Variants in VGLL4 observed in about 807,000 individuals in gnomAD.
VGLL4 encodes the protein transcription cofactor vestigial-like protein 4.
VGLL4 carries 7 observed loss-of-function variants against 21.0 expected under a neutral mutation model. The ratio of observed to expected loss-of-function variants is 0.33; its 90% CI spans 0.19 to 0.63. VGLL4 has a LOEUF of 0.63. Ranked by LOEUF, VGLL4 falls within the 20% of genes least tolerant of loss-of-function variation. The pLI, the probability that VGLL4 is intolerant of heterozygous loss-of-function variation, is 0.78. For synonymous variants in VGLL4, 222 were observed against 173.2 expected (o/e 1.28, Z -2.21); for missense variants, 394 against 425.7 (o/e 0.93, Z 0.66).
chr3:11,714,398 A>G (rs2076890768), intron 1 of VGLL4, among the ~76,000 whole-genome samples: 1 of 152,170 alleles, frequency 6.6e-6, no homozygotes, highest in Non-Finnish European at 1.5e-5. Flanking sequence ...TGTCAGCACA[A>G]ATAAAAATGA....
At chr3:11,608,173 C>T (rs561008643) in intron 1 of VGLL4, among the ~76,000 whole-genome samples, 4 of 152,320 alleles carry the variant, frequency 2.6e-5, no homozygotes, top group African/African-American at 9.6e-5. Context: ...AAGATTTGAG[C>T]TGAGTAACCC....
intron 2 of VGLL4, among the ~76,000 whole-genome samples, chr3:11,685,948 C>T (rs1188916478): frequency 1.3e-5 from 2 of 152,164 alleles, no homozygotes; most frequent in Non-Finnish European, 2.9e-5. Context: ...ACATGCTCAA[C>T]ATCACTAATC....
intron 2 of VGLL4, among the ~76,000 whole-genome samples, chr3:11,675,407 C>T (rs1240612024): frequency 6.6e-6 from 1 of 151,946 alleles, no homozygotes; most frequent in African/African-American, 2.4e-5. Flanking sequence ...ATGAACTATG[C>T]GTGATGTGCT....
At chr3:11,679,022 ACAAT>A (rs1424182708) in intron 2 of VGLL4, among the ~76,000 whole-genome samples, 1 of 152,248 alleles carries the variant, frequency 6.6e-6, no homozygotes, top group Non-Finnish European at 1.5e-5. Flanking sequence ...TTTGGCAGAT[ACAAT>A]TACGTGCAGT....
At chr3:11,645,999 T>C (rs1202303359), upstream of VGLL4, among the ~76,000 whole-genome samples, 4 of 152,040 alleles carry the variant, frequency 2.6e-5, no homozygotes, top group Admixed American at 2.6e-4. Context: ...AAAAAAACTA[T>C]ATGACATCTA....
chr3:11,620,394 C>T (rs1329382363), intron 1 of VGLL4, among the ~76,000 whole-genome samples: 2 of 152,172 alleles, frequency 1.3e-5, no homozygotes, highest in East Asian at 1.9e-4. Context: ...GGCAACAGCA[C>T]AGCACCCCTG....
chr3:11,704,402 A>AG (rs1559954675), intron 1 of VGLL4, among the ~76,000 whole-genome samples: 5 of 143,886 alleles, frequency 3.5e-5, no homozygotes, highest in Admixed American at 1.4e-4. Context: ...AAAAAAAAAA[A>AG]AAAGAAAAAA....
intron 2 of VGLL4, among the ~76,000 whole-genome samples, chr3:11,701,964 A>T (rs941233004): frequency 3.9e-5 from 6 of 152,244 alleles, no homozygotes; most frequent in African/African-American, 9.6e-5. Context: ...AAATCACTTT[A>T]AAATGTTGTA....
intron 2 of VGLL4, among the ~76,000 whole-genome samples, chr3:11,667,809 C>A (rs1008060726): frequency 2.1e-5 from 3 of 142,702 alleles, no homozygotes; most frequent in African/African-American, 7.7e-5. Flanking sequence ...CTTTCTGACT[C>A]ATTTCATGAG....
At chr3:11,624,206 C>A (rs2075313219) in intron 1 of VGLL4, among the ~76,000 whole-genome samples, 1 of 152,208 alleles carries the variant, frequency 6.6e-6, no homozygotes, top group East Asian at 1.9e-4. Context: ...TGTCCAGGGA[C>A]CCCCACGATA....
chr3:11,661,968 G>A (rs2076045446), intron 2 of VGLL4, among the ~76,000 whole-genome samples: 1 of 152,192 alleles, frequency 6.6e-6, no homozygotes. Context: ...AGACACTGAT[G>A]GAAACACAAC....
At chr3:11,647,660 G>A (rs537728424), upstream of VGLL4, among the ~76,000 whole-genome samples, 1 of 152,078 alleles carries the variant, frequency 6.6e-6, no homozygotes, top group Non-Finnish European at 1.5e-5. Context: ...GGATTAGGAC[G>A]CTCAACCCAT....
At position 11,643,591 on chromosome 3, in the gene VGLL4, G is replaced by A; in HGVS notation, c.-73C>T. 1 of 1,605,082 alleles carries A rather than the reference G, an allele frequency of 6.2e-7. No individual in the cohort carries two copies. The highest frequency in any genetic ancestry group is 1.1e-5 in the South Asian group (1 of 90,584). ...AGTTAAGTTTCAAAAATCAATTGTTGCTGAGTAGCTCCTGGCTCTTCAACT... is the reference window on the plus strand; with the variant it reads ...AGTTAAGTTTCAAAAATCAATTGTTACTGAGTAGCTCCTGGCTCTTCAACT... On this transcript the variant is annotated 5_prime_UTR_variant, in exon 1 of 5. Transcript: ENST00000430365.
At chr3:11,680,361 C>T (rs1435355312) in intron 2 of VGLL4, among the ~76,000 whole-genome samples, 2 of 152,202 alleles carry the variant, frequency 1.3e-5, no homozygotes, top group African/African-American at 2.4e-5. Flanking sequence ...TATCCCCAGA[C>T]ACCACCAAAT....
chr3:11,574,785 A>G (rs73023134), intron 2 of VGLL4, among the ~76,000 whole-genome samples: 5,010 of 121,618 alleles, frequency 0.041, 120 homozygotes, highest in South Asian at 0.065. Context: ...TCAACTATAT[A>G]TGTGTGTGTG....
chr3:11,631,968 G>C (rs908955996), intron 1 of VGLL4, among the ~76,000 whole-genome samples: 4 of 152,074 alleles, frequency 2.6e-5, no homozygotes, highest in African/African-American at 9.7e-5. Flanking sequence ...GCAGCGTTAG[G>C]TCTGACCACA....
At chr3:11,603,866 C>G (rs1484208617) in intron 1 of VGLL4, among the ~76,000 whole-genome samples, 3 of 152,224 alleles carry the variant, frequency 2.0e-5, no homozygotes, top group African/African-American at 4.8e-5. Flanking sequence ...GGAGCCGTCA[C>G]TCATTCCACC....
At position 11,715,775 on chromosome 3, in the gene VGLL4, C is replaced by A. The variant is rs146501286; in HGVS notation, c.-14+4619G>T. On this transcript the variant is annotated intron_variant, in intron 1 of 5. Coordinates refer to the VGLL4 transcript ENST00000273038. ...TCACATTTTTGCAAACTGATCAATA[C>A]ACAACCTTGTTTTACGTATGTTTCT... Among the ~76,000 whole-genome samples the A allele has an allele frequency of 6.0e-4, 91 of 152,316 alleles. No homozygotes were observed. In the East Asian group the frequency reaches 0.016, roughly 26 times the overall value.
At chr3:11,590,362 C>A (rs2074458223) in intron 2 of VGLL4, among the ~76,000 whole-genome samples, 2 of 152,198 alleles carry the variant, frequency 1.3e-5, no homozygotes, top group South Asian at 4.1e-4. Context: ...TTCTACTTGG[C>A]CTTGACCCAG....
Sources: gnomAD v4.1 joint callset for allele counts (sites outside exome capture counted in the v4.1 genomes callset) on GRCh38, gnomAD v4.1.1 for gene constraint, MANE v1.5 for transcripts, NCBI Gene and HGNC (gene_info 2026-07-23, HGNC 2026-07-21) for gene names.